The following LAD1 variants were observed in gnomAD, a reference collection of about 807,000 sequenced individuals.
The protein encoded by LAD1 is ladinin-1.
A neutral mutation model predicts 54.2 loss-of-function variants in LAD1; 53 were observed. The observed-to-expected ratio is 0.98, with a 90% CI of 0.78 to 1.23. LAD1 has a LOEUF of 1.23. LAD1 is among the 50% of genes most tolerant of loss of function. The pLI, the probability that LAD1 is intolerant of heterozygous loss-of-function variation, is 0.00. For missense variants in LAD1, 637 were observed against 653.3 expected, an observed-to-expected ratio of 0.98 and a Z score of 0.27; for synonymous variants, 231 against 257.7, an observed-to-expected ratio of 0.90 and a Z score of 0.99.
chr1:201,386,569 C>G lies in LAD1; in HGVS notation c.792G>C (p.Glu264Asp), dbSNP rs1278068236. Residue 264 changes from glutamate (E) to aspartate (D), a missense_variant, in exon 3 of 10, where the codon GAG (glutamate) becomes GAC (aspartate). By Grantham distance (45) the Glu-to-Asp change is conservative. Coordinates refer to ENST00000391967, the MANE Select transcript of LAD1 (RefSeq NM_005558.4). ...RLVSEKASIF[E>D]KALASEKSPT... ...GGCTCTTCTCTGAGGCCAGTGCCTTCTCAAAGATGGAAGCTTTCTCAGACA... is the reference window on the plus strand; with the variant it reads ...GGCTCTTCTCTGAGGCCAGTGCCTTGTCAAAGATGGAAGCTTTCTCAGACA... 1 of 1,613,996 alleles carries G rather than the reference C, an allele frequency of 6.2e-7. No homozygotes were observed. The highest frequency in any genetic ancestry group is 8.5e-7 in the Non-Finnish European group (1 of 1,179,964).
In LAD1 at chr1:201,387,006, T is replaced by TC. The variant is rs1558271167; in HGVS notation, c.354dup (p.Arg119GlufsTer74). ...GCCTGCACAGGGCTCAAGCTGTTCC[T>TC]CCCCTCCTCTGCCTCCAGCCTCTCC... On this transcript the variant is annotated frameshift_variant, in exon 3 of 10. Transcript: ENST00000391967. LOFTEE classifies it high-confidence loss of function. 1 of 1,609,094 alleles carries TC rather than the reference T, an allele frequency of 6.2e-7. No homozygotes were observed. Among genetic ancestry groups the TC allele is most frequent in the Non-Finnish European group, 8.5e-7 (1 of 1,177,896 alleles).
chr1:201,386,746 C>A lies in LAD1; in HGVS notation c.615G>T (p.Lys205Asn). 1.2e-6 allele frequency: 2 copies of A among 1,614,196 alleles called. No homozygotes were observed. The highest frequency in any genetic ancestry group is 1.7e-6 in the Non-Finnish European group (2 of 1,180,016). Reference sequence around the variant, plus strand: ...GAGATGTCTTCTCTGAGGCCAGCACCTTCTCAGAGATGGAGGTTTTATCGG... The same window carrying A: ...GAGATGTCTTCTCTGAGGCCAGCACATTCTCAGAGATGGAGGTTTTATCGG... ...LVSDKTSISE[K>N]VLASEKTSLS... The change falls in exon 3 of 10, where the codon AAG (lysine) becomes AAT (asparagine). Residue 205 changes from lysine to asparagine, a missense_variant. Lys to Asn is a moderately conservative substitution (Grantham distance 94). Transcript: ENST00000391967.
intron 1 of LAD1, chr1:201,391,260 G>C: frequency 4.8e-6 from 2 of 413,094 alleles, no homozygotes; most frequent in Non-Finnish European, 9.6e-6. Flanking sequence ...CTCTACTTTT[G>C]GTTCCTGCCC....
intron 1 of LAD1, among the ~76,000 whole-genome samples, chr1:201,394,633 C>T (rs560494424): frequency 4.6e-5 from 7 of 152,358 alleles, no homozygotes; most frequent in Non-Finnish European, 1.0e-4. Flanking sequence ...TCTTATAAGG[C>T]AGGCTCCAAA....
chr1:201,389,434 G>A, intron 1 of LAD1, 131 bp from the exon 2 acceptor site: 1 of 1,060,110 alleles, frequency 9.4e-7, no homozygotes, highest in East Asian at 2.6e-5. Context: ...GCTCAGAAGT[G>A]CTTGAAACGT....
chr1:201,393,005 GAA>G (rs1339962568), intron 1 of LAD1, among the ~76,000 whole-genome samples: 7 of 152,198 alleles, frequency 4.6e-5, no homozygotes, highest in Admixed American at 2.0e-4. Context: ...GGAGGGAGAG[GAA>G]AAGAGAAAAA....
Position 201,383,360 on chromosome 1 carries a change from A to C in LAD1, c.1205T>G (p.Val402Gly). The C allele has an allele frequency of 1.2e-6, 2 of 1,613,678 alleles. No homozygotes were observed. Among genetic ancestry groups the C allele is most frequent in the Non-Finnish European group, 8.5e-7 (1 of 1,179,922 alleles). The stretch of plus-strand genomic sequence containing the variant: ...TCTCTCCAGCTTCTCTCCCAACTTC[A>C]CTGTGTTGTCTGGGAGCTTCATGCT... The part of the protein sequence containing the change: ...SASMKLPDNT[V>G]KLGEKLERYH... Residue 402 changes from valine (V) to glycine (G), a missense_variant, in exon 6 of 10, where the codon GTG becomes GGG. Coordinates refer to ENST00000391967, the MANE Select transcript of LAD1 (RefSeq NM_005558.4).
chr1:201,387,136 G>A lies in LAD1; in HGVS notation c.225C>T (p.Pro75=), dbSNP rs200089805. 5 of 1,543,726 alleles carry A rather than the reference G, an allele frequency of 3.2e-6. No individual in the cohort carries two copies. The highest frequency in any genetic ancestry group is 4.4e-6 in the Non-Finnish European group (5 of 1,148,154). Residue 75 remains proline, a synonymous_variant, in exon 3 of 10, where the codon CCC becomes CCT. Coordinates refer to ENST00000391967, the MANE Select transcript of LAD1 (RefSeq NM_005558.4). ...VEEAEVPKPL[P]PASKDEDEDI... ...CCTCGTCCTCATCTTTGGAGGCTGG[G>A]GGCAGTGGCTTGGGCACCTCTGCTT...
At chr1:201,396,677 G>A (rs1662296256) in intron 1 of LAD1, among the ~76,000 whole-genome samples, 1 of 152,188 alleles carries the variant, frequency 6.6e-6, no homozygotes, top group African/African-American at 2.4e-5. Flanking sequence ...CTTGGGGACT[G>A]GGGTTAGGGA....
chr1:201,381,956 C>T, intron 9 of LAD1, 63 bp from the exon 10 acceptor site: 17 of 1,558,968 alleles, frequency 1.1e-5, no homozygotes, highest in East Asian at 2.2e-5. Flanking sequence ...GGGAAGGGGG[C>T]CACTGGATAG....
chr1:201,384,737 G>A (rs2102355501), intron 5 of LAD1, 55 bp downstream of exon 5: 2 of 1,590,284 alleles, frequency 1.3e-6, no homozygotes, highest in South Asian at 1.1e-5. Context: ...CAGGTACTCA[G>A]AAAATAGCCT....
intron 8 of LAD1, 109 bp downstream of exon 8, chr1:201,382,544 C>T (rs897013482): frequency 2.1e-6 from 2 of 941,662 alleles, no homozygotes; most frequent in African/African-American, 3.3e-5. Context: ...CCCGAAATGA[C>T]TCCTCCTCTC....
intron 2 of LAD1, among the ~76,000 whole-genome samples, chr1:201,387,476 C>T (rs940437462): frequency 3.9e-5 from 6 of 152,212 alleles, no homozygotes; most frequent in African/African-American, 1.4e-4. Context: ...CCAGAGCCTG[C>T]TTGGGGCATT....
At position 201,399,281 on chromosome 1, in the gene LAD1, G is replaced by C. The variant is rs1558275509; in HGVS notation, c.26C>G (p.Ser9Cys). 3 of 1,549,680 alleles carry C rather than the reference G, an allele frequency of 1.9e-6. No individual in the cohort carries two copies. The highest frequency in any genetic ancestry group is 1.2e-5 in the South Asian group (1 of 84,980). Reference sequence around the variant, plus strand: ...CTCCGGCGCTCACCTGGACAGCGCGGACCAGTCCTTCCTGCTGACAGCCAT... The same window carrying C: ...CTCCGGCGCTCACCTGGACAGCGCGCACCAGTCCTTCCTGCTGACAGCCAT... MAVSRKDW[S>C]ALSSLARQRT... The change falls in exon 1 of 10, where the codon TCC becomes TGC. Residue 9 changes from serine (S) to cysteine (C), a missense_variant. Coordinates refer to ENST00000391967, the MANE Select transcript of LAD1 (RefSeq NM_005558.4).
intron 7 of LAD1, 64 bp from the exon 8 acceptor site, chr1:201,382,803 G>A (rs530559866): frequency 7.8e-7 from 1 of 1,289,104 alleles, no homozygotes; most frequent in African/African-American, 1.5e-5. Flanking sequence ...ATGTTCAGAG[G>A]CCCTGGAATG....
intron 2 of LAD1, among the ~76,000 whole-genome samples, chr1:201,388,387 CA>C (rs34554043): frequency 8.3e-4 from 111 of 133,424 alleles, no homozygotes; most frequent in Non-Finnish European, 9.3e-4. Context: ...GACTCCATCT[CA>C]AAAAAAAAAA....
In LAD1 at chr1:201,381,273, G is replaced by T. The variant is rs2102353450; in HGVS notation, c.*615C>A. 1 of 160,774 alleles carries T rather than the reference G, an allele frequency of 6.2e-6. No homozygotes were observed. The highest frequency in any genetic ancestry group is 1.7e-4 in the South Asian group (1 of 6,010). The allele number at this position is 160,774 out of a possible 1,614,324, so 10.0% of individuals were successfully genotyped here. A position where few individuals can be genotyped will look rare whatever the true frequency, so the allele number is the denominator to read the frequency against. The stretch of plus-strand genomic sequence containing the variant: ...TGAGAACAGGTTTTTCAGAGAAAGG[G>T]TAAGTGGTTGCACACAAAAAGGCAC... On this transcript the variant is annotated 3_prime_UTR_variant, in exon 10 of 10. Transcript: ENST00000391967.
At chr1:201,394,461 A>T (rs187925467) in intron 1 of LAD1, among the ~76,000 whole-genome samples, 1 of 152,258 alleles carries the variant, frequency 6.6e-6, no homozygotes, top group Admixed American at 6.5e-5. Flanking sequence ...CTCAGGGGAG[A>T]TGGAGAGGCG....
Position 201,385,732 on chromosome 1 carries a change from T to C in LAD1, c.1100A>G (p.Lys367Arg), listed in dbSNP as rs749749186. ...PTQRTYSSSL[K>R]RSSPRTISFR... ...GGAGATGGTCCTGGGGCTGGAGCGT[T>C]TGAGGGAGCTGCTGTAGGTTCGCTG... is the stretch of plus-strand genomic sequence containing the variant. Residue 367 changes from lysine (K) to arginine (R), a missense_variant, in exon 4 of 10, where the codon AAA becomes AGA. Lys to Arg is a conservative substitution (Grantham distance 26, BLOSUM62 2). Coordinates refer to ENST00000391967, the MANE Select transcript of LAD1 (RefSeq NM_005558.4). 3 of 1,613,904 alleles carry C rather than the reference T, an allele frequency of 1.9e-6. No individual in the cohort carries two copies. The Admixed American group carries it at 5.0e-5, about 27-fold the overall frequency.
Sources: gnomAD v4.1 joint callset for allele counts (sites outside exome capture counted in the v4.1 genomes callset) on GRCh38, gnomAD v4.1.1 for gene constraint, MANE v1.5 for transcripts, NCBI Gene and HGNC (gene_info 2026-07-23, HGNC 2026-07-21) for gene names.